Variants in WDR36 observed in about 807,000 individuals in gnomAD.
WDR36 encodes the protein WD repeat-containing protein 36.
WDR36 carries 63 observed loss-of-function variants against 112.7 expected under a neutral mutation model. The observed-to-expected ratio is 0.56, with a 90% CI of 0.46 to 0.69. The LOEUF is 0.69. Among genes scored for constraint, WDR36 ranks in the 30% least tolerant of loss-of-function variants. The pLI, the probability that WDR36 is intolerant of heterozygous loss-of-function variation, is 0.00. For missense variants in WDR36, 1,226 were observed against 1,070.3 expected, an observed-to-expected ratio of 1.15 and a Z score of -2.03; for synonymous variants, 410 against 362.2, an observed-to-expected ratio of 1.13 and a Z score of -1.50.
At chr5:111,122,964 GC>G (rs1408810106) in intron 19 of WDR36, among the ~76,000 whole-genome samples, 1 of 152,072 alleles carries the variant, frequency 6.6e-6, no homozygotes, top group Non-Finnish European at 1.5e-5. Context: ...ACAAAAATGA[GC>G]CAGGCATGTT....
At chr5:111,098,645 G>A in intron 3 of WDR36, 77 bp from the exon 4 acceptor site, 8 of 989,788 alleles carry the variant, frequency 8.1e-6, no homozygotes, top group Non-Finnish European at 1.3e-5. Context: ...GGATTAGCAT[G>A]TTTTTGGGAT....
rs1408579854 is a variant in WDR36, at chr5:111,125,796, G to A, written c.2538+1G>A. Reference sequence around the variant, plus strand: ...GGCATACCTTGCATTGTTTCTAAAGGTAAGTCTAATGTAAGACAGTACTGC... The same window carrying A: ...GGCATACCTTGCATTGTTTCTAAAGATAAGTCTAATGTAAGACAGTACTGC... On this transcript the variant is annotated splice_donor_variant, in intron 22 of 22. Transcript: ENST00000513710. LOFTEE classifies it high-confidence loss of function. The A allele has an allele frequency of 1.9e-6, 3 of 1,613,614 alleles. No individual in the cohort carries two copies. The highest frequency in any genetic ancestry group is 1.1e-5 in the South Asian group (1 of 91,084).
chr5:111,125,468 C>T, intron 21 of WDR36, 140 bp from the exon 22 acceptor site: 2 of 838,546 alleles, frequency 2.4e-6, no homozygotes, highest in South Asian at 1.8e-5. Flanking sequence ...CATTCTACTA[C>T]ATAATATGAA....
intron 6 of WDR36, 26 bp from the exon 7 acceptor site, chr5:111,103,760 A>G (rs754483000): frequency 1.7e-5 from 28 of 1,609,630 alleles, no homozygotes; most frequent in Non-Finnish European, 2.4e-5. Flanking sequence ...TTAAGAAAGT[A>G]AAAGTTTGAA....
chr5:111,118,931 T>A (rs778252336), intron 16 of WDR36, 82 bp from the exon 17 acceptor site: 3 of 1,162,032 alleles, frequency 2.6e-6, no homozygotes, highest in Non-Finnish European at 3.9e-6. Context: ...TTATCCCTTA[T>A]CTTTTTGGCA....
At position 111,127,835 on chromosome 5, in the gene WDR36, C is replaced by A. The variant is rs189735907; in HGVS notation, c.*952C>A. ...AAGGTAAAAATTCCATAAATCCTTG[C>A]AAACAATTTTTAGCAATATTGTTTA... On this transcript the variant is annotated 3_prime_UTR_variant, in exon 23 of 23. Coordinates refer to ENST00000513710, the MANE Select transcript of WDR36 (RefSeq NM_139281.3). The A allele has an allele frequency of 2.9e-5, 6 of 210,358 alleles. No individual in the cohort carries two copies. Among genetic ancestry groups the A allele is most frequent in the African/African-American group, 1.4e-4 (6 of 44,134 alleles). 13.0% of individuals were successfully genotyped at this position (210,358 alleles called of 1,614,324 possible). A position where few individuals can be genotyped will look rare whatever the true frequency, so the allele number is the denominator to read the frequency against.
chr5:111,102,929 C>T (rs1020292508), intron 6 of WDR36, among the ~76,000 whole-genome samples: 2 of 151,530 alleles, frequency 1.3e-5, no homozygotes, highest in Non-Finnish European at 3.0e-5. Context: ...ACATATGTAG[C>T]CACTATACCC....
intron 4 of WDR36, 79 bp downstream of exon 4, chr5:111,098,918 A>G (rs537468093): frequency 4.8e-6 from 5 of 1,036,242 alleles, no homozygotes; most frequent in South Asian, 4.0e-5. Flanking sequence ...GTAAACATCT[A>G]TGCCAGAGAT....
intron 16 of WDR36, among the ~76,000 whole-genome samples, chr5:111,115,859 A>G (rs1409307363): frequency 6.6e-6 from 1 of 152,090 alleles, no homozygotes; most frequent in Non-Finnish European, 1.5e-5. Flanking sequence ...GAAATTTTTT[A>G]TCTAAAATTA....
chr5:111,124,641 T>C (rs1473115900), intron 21 of WDR36, among the ~76,000 whole-genome samples: 1 of 152,222 alleles, frequency 6.6e-6, no homozygotes, highest in Admixed American at 6.5e-5. Context: ...TTAATCTGTC[T>C]GTTGTGTTCA....
intron 1 of WDR36, among the ~76,000 whole-genome samples, chr5:111,093,710 A>G (rs1279371261): frequency 6.6e-6 from 1 of 152,198 alleles, no homozygotes; most frequent in Non-Finnish European, 1.5e-5. Context: ...AACTCTTGAA[A>G]TCTTGTCTTT....
At chr5:111,113,024 TATATATAAATAATATATATATATATATA>T in intron 15 of WDR36, 22 bp from the exon 16 acceptor site, 1 of 369,392 alleles carries the variant, frequency 2.7e-6, no homozygotes, top group African/African-American at 2.7e-5. Context: ...CATATATATT[TATATATAAATAATATATATATATATATA>T]TTTTTTTTTT....
chr5:111,107,544 T>G (rs1753244101), intron 12 of WDR36, 105 bp downstream of exon 12: 1 of 1,462,154 alleles, frequency 6.8e-7, no homozygotes, highest in Non-Finnish European at 9.3e-7. Flanking sequence ...AAAACGTAGT[T>G]TAACATTTTA....
At chr5:111,117,690 T>C (rs1753482863) in intron 16 of WDR36, among the ~76,000 whole-genome samples, 1 of 152,184 alleles carries the variant, frequency 6.6e-6, no homozygotes, top group Non-Finnish European at 1.5e-5. Context: ...GCTCAAGTGC[T>C]GAGGATACTT....
chr5:111,094,382 G>GAT (rs1334951112), intron 1 of WDR36, among the ~76,000 whole-genome samples: 1 of 152,172 alleles, frequency 6.6e-6, no homozygotes, highest in Admixed American at 6.5e-5. Flanking sequence ...CAGTAGCCAT[G>GAT]ATTGGGGTCA....
rs528457549 is a variant in WDR36, at chr5:111,112,463, T to C, written c.1717-611T>C. 5.7e-4 allele frequency among the ~76,000 whole-genome samples: 86 copies of C among 152,110 alleles called. 1 individual carries two copies. Among genetic ancestry groups the C allele is most frequent in the African/African-American group, 1.9e-3 (79 of 41,540 alleles). Reference sequence around the variant, plus strand: ...AGTATCATCTACTAATTTAAACTGATGGATGAACAGTCTACTACAACTGTA... The same window carrying C: ...AGTATCATCTACTAATTTAAACTGACGGATGAACAGTCTACTACAACTGTA... On this transcript the variant is annotated intron_variant, in intron 15 of 22. Coordinates refer to ENST00000513710, the MANE Select transcript of WDR36 (RefSeq NM_139281.3).
At chr5:111,115,263 A>G (rs540405575) in intron 16 of WDR36, among the ~76,000 whole-genome samples, 4 of 152,344 alleles carry the variant, frequency 2.6e-5, no homozygotes, top group African/African-American at 9.6e-5. Context: ...GGACCAAATG[A>G]GAGAGCTTGA....
intron 5 of WDR36, among the ~76,000 whole-genome samples, chr5:111,101,097 A>C (rs553271978): frequency 6.6e-6 from 1 of 152,042 alleles, no homozygotes; most frequent in Non-Finnish European, 1.5e-5. Flanking sequence ...AGCATCTGTG[A>C]ATTTTGGTAT....
chr5:111,093,774 T>C (rs985456046), intron 1 of WDR36, among the ~76,000 whole-genome samples: 1 of 152,260 alleles, frequency 6.6e-6, no homozygotes, highest in African/African-American at 2.4e-5. Context: ...TGTTTTTCCC[T>C]ATATTCTACT....
Sources: allele counts gnomAD v4.1 joint callset (sites outside exome capture counted in the v4.1 genomes callset), GRCh38; gene constraint gnomAD v4.1.1; transcripts MANE v1.5; gene names NCBI Gene and HGNC (gene_info 2026-07-23, HGNC 2026-07-21).